The following RABGEF1 variants were observed in gnomAD, a reference collection of about 807,000 sequenced individuals.
RABGEF1 encodes the protein rab5 GDP/GTP exchange factor.
In RABGEF1, 26 loss-of-function variants were observed where a neutral mutation model predicts 57.3. That is an observed-to-expected ratio of 0.45 (90% CI 0.33 to 0.63). The LOEUF is 0.63. Among genes scored for constraint, RABGEF1 ranks in the 20% least tolerant of loss-of-function variants. RABGEF1 has a pLI of 0.02. For missense variants in RABGEF1, 464 were observed against 607.6 expected (o/e 0.76, Z 2.48); for synonymous variants, 185 against 210.7 (o/e 0.88, Z 1.06).
At chr7:66,675,052 A>G in the RABGEF1 span, among the ~76,000 whole-genome samples, 1 of 152,140 alleles carries the variant, frequency 6.6e-6, no homozygotes, top group Non-Finnish European at 1.5e-5. Flanking sequence ...TTGCCTACTG[A>G]TAACAACTAA....
intron 4 of RABGEF1, among the ~76,000 whole-genome samples, chr7:66,785,956 A>T (rs2129146330): frequency 6.6e-6 from 1 of 152,178 alleles, no homozygotes; most frequent in African/African-American, 2.4e-5. Flanking sequence ...CACCAACTAA[A>T]CTTTCTAGAT....
chr7:66,713,786 A>C (rs1204867832), intron 2 of RABGEF1, among the ~76,000 whole-genome samples: 4 of 152,228 alleles, frequency 2.6e-5, no homozygotes, highest in African/African-American at 9.6e-5. Flanking sequence ...TGATATGATC[A>C]TATTGATATA....
chr7:66,762,831 T>G (rs1298147887), intron 1 of RABGEF1, among the ~76,000 whole-genome samples: 7 of 152,020 alleles, frequency 4.6e-5, no homozygotes, highest in African/African-American at 9.7e-5. Context: ...CAGAGGCTAG[T>G]GAAGGCCTCT....
intron 1 of RABGEF1, among the ~76,000 whole-genome samples, chr7:66,710,339 A>G (rs574759899): frequency 2.6e-5 from 4 of 152,362 alleles, no homozygotes; most frequent in South Asian, 2.1e-4. Context: ...TAAAGATGCT[A>G]TAGGCATCCA....
chr7:66,772,948 A>C (rs1310732839), intron 2 of RABGEF1, among the ~76,000 whole-genome samples: 2 of 151,826 alleles, frequency 1.3e-5, no homozygotes, highest in East Asian at 3.9e-4. Flanking sequence ...AAATGATGGG[A>C]TGGCTAGTGA....
At chr7:66,732,201 C>T (rs969809404) in intron 2 of RABGEF1, among the ~76,000 whole-genome samples, 20 of 152,220 alleles carry the variant, frequency 1.3e-4, no homozygotes, top group African/African-American at 4.8e-4. Flanking sequence ...GCCTGGAGCA[C>T]CGTCCATAAG....
At chr7:66,731,995 G>A (rs1036453148) in intron 2 of RABGEF1, among the ~76,000 whole-genome samples, 2 of 152,208 alleles carry the variant, frequency 1.3e-5, no homozygotes, top group African/African-American at 4.8e-5. Flanking sequence ...CTGGGGAGGA[G>A]ATGGAAAACA....
chr7:66,718,668 G>A (rs188514987), intron 2 of RABGEF1, among the ~76,000 whole-genome samples: 144 of 152,232 alleles, frequency 9.5e-4, no homozygotes, highest in African/African-American at 3.2e-3. Context: ...CAAATACTTC[G>A]CAGTATTCAG....
intron 4 of RABGEF1, among the ~76,000 whole-genome samples, chr7:66,794,452 A>G (rs1813545358): frequency 6.6e-6 from 1 of 151,330 alleles, no homozygotes; most frequent in South Asian, 2.1e-4. Context: ...TATTCTTTTT[A>G]TTTTCTAGTC....
intron 2 of RABGEF1, among the ~76,000 whole-genome samples, chr7:66,717,021 C>T (rs1449371547): frequency 5.3e-5 from 8 of 152,176 alleles, no homozygotes; most frequent in East Asian, 1.9e-4. Context: ...TCAGGTGATC[C>T]GCCCGCCTCA....
At chr7:66,678,362 G>A (rs1157228396), upstream of RABGEF1, among the ~76,000 whole-genome samples, 8 of 151,764 alleles carry the variant, frequency 5.3e-5, no homozygotes, top group Non-Finnish European at 1.2e-4. Flanking sequence ...TCAGGAGATT[G>A]AGACCATCCT....
At chr7:66,657,364 A>G in the RABGEF1 span, among the ~76,000 whole-genome samples, 1 of 152,246 alleles carries the variant, frequency 6.6e-6, no homozygotes, top group Non-Finnish European at 1.5e-5. Context: ...TCACAAATAT[A>G]TGGAAAATAA....
chr7:66,767,364 C>T (rs541556239), intron 1 of RABGEF1, among the ~76,000 whole-genome samples: 5 of 151,860 alleles, frequency 3.3e-5, no homozygotes, highest in East Asian at 3.9e-4. Context: ...TAATGGTCTG[C>T]GAATTTTTAA....
intron 1 of RABGEF1, among the ~76,000 whole-genome samples, chr7:66,752,490 G>T (rs1473715625): frequency 6.8e-6 from 1 of 148,116 alleles, no homozygotes; most frequent in East Asian, 2.0e-4. Context: ...GTGAAACTCC[G>T]TCTAAAAAAA....
chr7:66,801,012 A>T (rs1173591613), intron 7 of RABGEF1, among the ~76,000 whole-genome samples: 1 of 152,230 alleles, frequency 6.6e-6, no homozygotes, highest in Non-Finnish European at 1.5e-5. Context: ...CTGGGCTGAC[A>T]AGTAACAAAT....
In RABGEF1 at chr7:66,783,659, T is replaced by G. The variant is rs1162527715; in HGVS notation, c.347-16T>G. The G allele has an allele frequency of 6.3e-7, 1 of 1,592,538 alleles. No homozygotes were observed. ...TTTTATGTCATGAAACTTACTATGT[T>G]TAATTTTCCCAGCAGAAATTCAGGA... On this transcript the variant is annotated splice_polypyrimidine_tract_variant and intron_variant, in intron 3 of 8. Coordinates refer to ENST00000284957, the MANE Select transcript of RABGEF1 (RefSeq NM_014504.3).
Position 66,783,813 on chromosome 7 carries a change from T to G in RABGEF1, c.485T>G (p.Leu162Arg). 1 of 1,613,218 alleles carries G rather than the reference T, an allele frequency of 6.2e-7. No homozygotes were observed. Among genetic ancestry groups the G allele is most frequent in the South Asian group, 1.1e-5 (1 of 90,956 alleles). Residue 162 changes from leucine to arginine, a missense_variant, in exon 4 of 9, where the codon CTG becomes CGG. Leu to Arg is a moderately radical substitution (Grantham distance 102). Coordinates refer to ENST00000284957, the MANE Select transcript of RABGEF1 (RefSeq NM_014504.3). Reference sequence around the variant, plus strand: ...CAAGAAATCTATAAACAGACCAAGCTGTTTTTGGAAGGAATGCATTACAAA... The same window carrying G: ...CAAGAAATCTATAAACAGACCAAGCGGTTTTTGGAAGGAATGCATTACAAA... ...TGQEIYKQTK[L>R]FLEGMHYKRD...
At chr7:66,737,494 G>A (rs1338766451), upstream of RABGEF1, among the ~76,000 whole-genome samples, 4 of 152,108 alleles carry the variant, frequency 2.6e-5, no homozygotes, top group East Asian at 1.9e-4. Flanking sequence ...TCCGGATTTC[G>A]GGGCTCAGCC....
chr7:66,797,067 A>G (rs1240566066), intron 5 of RABGEF1, among the ~76,000 whole-genome samples: 1 of 151,982 alleles, frequency 6.6e-6, no homozygotes, highest in African/African-American at 2.4e-5. Context: ...TGGGAGGCTG[A>G]GGCAGGTAGA....
Sources: gnomAD v4.1 joint callset for allele counts (sites outside exome capture counted in the v4.1 genomes callset) on GRCh38, gnomAD v4.1.1 for gene constraint, MANE v1.5 for transcripts, NCBI Gene and HGNC (gene_info 2026-07-23, HGNC 2026-07-21) for gene names.